FGFR2: variants seen among roughly 807,000 people sequenced by gnomAD.
FGFR2 encodes BEK fibroblast growth factor receptor.
Under a neutral mutation model 95.9 loss-of-function variants are expected in FGFR2, and 19 were observed. The ratio of observed to expected loss-of-function variants is 0.20; its 90% CI spans 0.14 to 0.29. The LOEUF is 0.29. Among genes scored for constraint, FGFR2 ranks in the 10% least tolerant of loss-of-function variants. The pLI, the probability that FGFR2 is intolerant of heterozygous loss-of-function variation, is 1.00. For synonymous variants in FGFR2, 392 were observed against 393.3 expected (o/e 1.00, Z 0.04); for missense variants, 707 against 1,056.9 (o/e 0.67, Z 4.59).
chr10:121,565,075 A>G, intron 3 of FGFR2, among the ~76,000 whole-genome samples: 1 of 151,784 alleles, frequency 6.6e-6, no homozygotes, highest in East Asian at 1.9e-4. Flanking sequence ...ACTGCATAGA[A>G]GGAAATCATG....
chr10:121,551,553 T>A, intron 4 of FGFR2, 94 bp from the exon 5 acceptor site: 2 of 1,131,130 alleles, frequency 1.8e-6, no homozygotes, highest in Non-Finnish European at 1.3e-6. Flanking sequence ...GCTTTGCATG[T>A]AAATGCTAGG....
intron 4 of FGFR2, among the ~76,000 whole-genome samples, chr10:121,556,303 C>A (rs1427731427): frequency 6.6e-6 from 1 of 151,966 alleles, no homozygotes; most frequent in African/African-American, 2.4e-5. Context: ...TTTGACCCTG[C>A]AATTTAAACT....
At chr10:121,519,642 G>T (rs1040525867) in intron 7 of FGFR2, among the ~76,000 whole-genome samples, 1 of 152,166 alleles carries the variant, frequency 6.6e-6, no homozygotes, top group Non-Finnish European at 1.5e-5. Flanking sequence ...CTGCACAACC[G>T]CCCTATGGGG....
At position 121,488,120 on chromosome 10, in the gene FGFR2, T is replaced by C. The variant is rs773249351; in HGVS notation, c.1864-7A>G. The C allele has an allele frequency of 1.9e-6, 3 of 1,613,770 alleles. No homozygotes were observed. The highest frequency in any genetic ancestry group is 1.6e-4 in the Middle Eastern group (1 of 6,062). On this transcript the variant is annotated splice_polypyrimidine_tract_variant and splice_region_variant and intron_variant, in intron 13 of 17. Transcript: ENST00000358487. ...CTAAATCTCGATGAATACACTGAAA[T>C]CAAGAAAGAAGCAAGAGAAATAACT...
At chr10:121,571,852 A>G (rs1016953789) in intron 2 of FGFR2, among the ~76,000 whole-genome samples, 15 of 151,906 alleles carry the variant, frequency 9.9e-5, no homozygotes, top group African/African-American at 3.6e-4. Flanking sequence ...CTGAGGCAGG[A>G]GAATCGCTTG....
At position 121,564,586 on chromosome 10, in the gene FGFR2, G is replaced by T. The variant is rs768898057; in HGVS notation, c.377-7C>A. On this transcript the variant is annotated splice_region_variant and splice_polypyrimidine_tract_variant and intron_variant, in intron 3 of 17. Transcript: ENST00000358487. The stretch of plus-strand genomic sequence containing the variant: ...TCTCCGGATGAGATGGCATCTGTAT[G>T]CAAAAGAACATATTCCATGGATGTG... 1.2e-6 allele frequency: 2 copies of T among 1,613,330 alleles called. No individual in the cohort carries two copies. The highest frequency in any genetic ancestry group is 1.7e-6 in the Non-Finnish European group (2 of 1,179,548).
At chr10:121,512,619 T>C (rs1042255986) in intron 9 of FGFR2, among the ~76,000 whole-genome samples, 2 of 152,144 alleles carry the variant, frequency 1.3e-5, no homozygotes, top group African/African-American at 4.8e-5. Flanking sequence ...GGTCTTGAAC[T>C]CCTGGGTTCA....
rs1401900507 is a variant in FGFR2 at position 121,479,654 on chromosome 10, G to A, written c.*203C>T. On this transcript the variant is annotated 3_prime_UTR_variant, in exon 18 of 18. Coordinates refer to ENST00000358487, the MANE Select transcript of FGFR2 (RefSeq NM_000141.5). ...TGGCTTGTGGCAGTCCACTGCTCCA[G>A]AAACCTTCTTCTCCTCCTGGGGAAG... 1.9e-6 allele frequency: 3 copies of A among 1,551,986 alleles called. No individual in the cohort carries two copies. Among genetic ancestry groups the A allele is most frequent in the Non-Finnish European group, 1.7e-6 (2 of 1,147,162 alleles).
intron 5 of FGFR2, among the ~76,000 whole-genome samples, chr10:121,541,821 T>C (rs773992911): frequency 1.8e-4 from 27 of 152,160 alleles, no homozygotes; most frequent in Non-Finnish European, 3.2e-4. Context: ...GGAACATAAA[T>C]TGAGAAAAAC....
intron 4 of FGFR2, among the ~76,000 whole-genome samples, chr10:121,559,483 C>T (rs766489933): frequency 6.6e-5 from 10 of 152,248 alleles, no homozygotes; most frequent in Non-Finnish European, 1.3e-4. Flanking sequence ...CCAGGCTGCA[C>T]CTGTGAATCA....
chr10:121,569,244 A>G (rs914146141), intron 2 of FGFR2, among the ~76,000 whole-genome samples: 13 of 143,824 alleles, frequency 9.0e-5, no homozygotes, highest in African/African-American at 3.5e-4. Context: ...TTTTTGAGAC[A>G]GAGTCTTGCT....
chr10:121,542,243 C>A (rs945561413), intron 5 of FGFR2, among the ~76,000 whole-genome samples: 1 of 151,992 alleles, frequency 6.6e-6, no homozygotes, highest in Non-Finnish European at 1.5e-5. Context: ...AAGTATAAGC[C>A]TGACTATAAA....
At chr10:121,553,522 T>C (rs542414713) in intron 4 of FGFR2, among the ~76,000 whole-genome samples, 131 of 152,284 alleles carry the variant, frequency 8.6e-4, no homozygotes, top group Middle Eastern at 3.4e-3. Flanking sequence ...AAGAAACCAT[T>C]GAGAGCACAA....
chr10:121,484,675 G>A (rs568834490), intron 16 of FGFR2, among the ~76,000 whole-genome samples: 2 of 152,246 alleles, frequency 1.3e-5, no homozygotes, highest in African/African-American at 4.8e-5. Flanking sequence ...ATTGCACCAG[G>A]CACACGTCAC....
intron 4 of FGFR2, among the ~76,000 whole-genome samples, chr10:121,559,198 C>T (rs1856612428): frequency 1.3e-5 from 2 of 151,604 alleles, no homozygotes; most frequent in African/African-American, 4.8e-5. Context: ...GTCAAAGTTC[C>T]TAAAGAAGAA....
At chr10:121,524,542 C>G (rs1712053506) in intron 6 of FGFR2, among the ~76,000 whole-genome samples, 3 of 152,152 alleles carry the variant, frequency 2.0e-5, no homozygotes, top group Admixed American at 6.5e-5. Context: ...GGAAAAGGGC[C>G]CAGGATGCCA....
chr10:121,545,119 C>T (rs7074689), intron 5 of FGFR2, among the ~76,000 whole-genome samples: 3,806 of 152,164 alleles, frequency 0.025, 164 homozygotes, highest in African/African-American at 0.083. Flanking sequence ...CTCCAGCCTG[C>T]GCAATATAGA....
intron 9 of FGFR2, among the ~76,000 whole-genome samples, chr10:121,506,357 C>CAAAAAAAA (rs10678814): frequency 9.9e-6 from 1 of 101,170 alleles, no homozygotes; most frequent in East Asian, 2.8e-4. Flanking sequence ...GACTCCGTCT[C>CAAAAAAAA]AAAAAAAAAA....
intron 2 of FGFR2, among the ~76,000 whole-genome samples, chr10:121,571,465 TTTG>T (rs909849941): frequency 2.2e-4 from 33 of 151,312 alleles, no homozygotes; most frequent in Non-Finnish European, 2.9e-4. Context: ...GCCTGGGAAT[TTTG>T]TTGTTGTTGT....
Sources: allele counts gnomAD v4.1 joint callset (sites outside exome capture counted in the v4.1 genomes callset), GRCh38; gene constraint gnomAD v4.1.1; transcripts MANE v1.5; gene names NCBI Gene and HGNC (gene_info 2026-07-23, HGNC 2026-07-21).